UFM1: variants seen among roughly 807,000 people sequenced by gnomAD.
UFM1 encodes the protein ubiquitin fold modifier 1.
In UFM1, 9 loss-of-function variants were observed where a neutral mutation model predicts 15.4. That is an observed-to-expected ratio of 0.59 (90% CI 0.35 to 1.02). The LOEUF is 1.02. Among genes scored for constraint, UFM1 ranks in the 50% least tolerant of loss-of-function variants. The probability of loss-of-function intolerance (pLI) is 0.02; values close to 1 mark genes in which losing one functional copy is unlikely to be tolerated. For missense variants in UFM1, 98 were observed against 104.7 expected (o/e 0.94, Z 0.28); for synonymous variants, 27 against 36.3 (o/e 0.74, Z 0.92).
At chr13:38,353,141 A>G (rs73460280) in intron 2 of UFM1, among the ~76,000 whole-genome samples, 1,589 of 152,284 alleles carry the variant, frequency 0.01, 21 homozygotes, top group African/African-American at 0.035. Flanking sequence ...CAAGAAATCT[A>G]TTCACATTTC....
chr13:38,355,354 A>G (rs1680394663), intron 3 of UFM1, among the ~76,000 whole-genome samples: 1 of 152,006 alleles, frequency 6.6e-6, no homozygotes, highest in African/African-American at 2.4e-5. Flanking sequence ...AGAATAAGTA[A>G]AATGAGATGG....
chr13:38,354,170 TAAGGAACA>T, intron 2 of UFM1, 61 bp from the exon 3 acceptor site: 2 of 1,498,638 alleles, frequency 1.3e-6, no homozygotes, highest in Non-Finnish European at 1.8e-6. Flanking sequence ...GTAGTGGAAA[TAAGGAACA>T]AAGGGGCTTT....
chr13:38,357,814 A>T (rs1456730344), intron 3 of UFM1, among the ~76,000 whole-genome samples: 2 of 151,918 alleles, frequency 1.3e-5, no homozygotes, highest in African/African-American at 4.8e-5. Context: ...GGACCATGGG[A>T]AAGGTCTTAA....
intron 3 of UFM1, 37 bp downstream of exon 3, chr13:38,354,333 G>T: frequency 6.3e-7 from 1 of 1,580,690 alleles, no homozygotes. Flanking sequence ...TATGGAATGC[G>T]GTTTGCCAAT....
At chr13:38,354,968 CA>C (rs1179890118) in intron 3 of UFM1, 2 of 151,874 alleles carry the variant, frequency 1.3e-5, no homozygotes, top group African/African-American at 2.4e-5. Context: ...TTTTATTCTG[CA>C]AAATGGAAGT....
At chr13:38,358,055 G>GTA (rs1380585073) in intron 3 of UFM1, 38 bp from the exon 4 acceptor site, 5 of 802,734 alleles carry the variant, frequency 6.2e-6, no homozygotes, top group African/African-American at 4.5e-5. Context: ...GTGTGTGTGT[G>GTA]TGTATATATA....
intron 3 of UFM1, among the ~76,000 whole-genome samples, chr13:38,356,361 G>A (rs914865336): frequency 4.0e-5 from 6 of 151,762 alleles, no homozygotes; most frequent in African/African-American, 1.4e-4. Flanking sequence ...TTGAGTGTTT[G>A]ATCAAATTCT....
chr13:38,353,905 C>T (rs1593296092), intron 2 of UFM1, among the ~76,000 whole-genome samples: 1 of 152,018 alleles, frequency 6.6e-6, no homozygotes, highest in Non-Finnish European at 1.5e-5. Flanking sequence ...GAGAGCTTCA[C>T]CTTTTTGAAA....
At chr13:38,358,071 A>ATTTT in intron 3 of UFM1, 22 bp from the exon 4 acceptor site, 1 of 554,756 alleles carries the variant, frequency 1.8e-6, no homozygotes, top group Non-Finnish European at 2.6e-6. Flanking sequence ...ATATATATAT[A>ATTTT]TTTTTTTTTC....
At chr13:38,350,326 G>C (rs1878778965) in intron 2 of UFM1, 1 of 1,303,084 alleles carries the variant, frequency 7.7e-7, no homozygotes, top group South Asian at 1.3e-5. Flanking sequence ...AATTCATTTG[G>C]TGGGCAGGTG....
At chr13:38,357,895 G>A (rs1050563571) in intron 3 of UFM1, among the ~76,000 whole-genome samples, 198 bp from the exon 4 acceptor site, 11 of 151,682 alleles carry the variant, frequency 7.3e-5, no homozygotes, top group African/African-American at 2.7e-4. Flanking sequence ...CAGGAGTAGC[G>A]GAGGCAGAAG....
rs2140067123 is a variant in UFM1, at chr13:38,362,622, C to G, written c.*1844C>G. 6.6e-6 allele frequency: 1 copy of G among 151,842 alleles called. No homozygotes were observed. The highest frequency in any genetic ancestry group is 2.1e-4 in the South Asian group (1 of 4,812). 9.4% of individuals were successfully genotyped at this position (151,842 alleles called of 1,614,324 possible). ...AAGTTTTTATTTTTATAAACAAAAT[C>G]TGATGTTCAGAGGCCCCGTTTCTTA... On this transcript the variant is annotated 3_prime_UTR_variant, in exon 6 of 6. Coordinates refer to ENST00000239878, the MANE Select transcript of UFM1 (RefSeq NM_016617.4).
intron 3 of UFM1, among the ~76,000 whole-genome samples, chr13:38,357,080 A>C (rs73460282): frequency 0.011 from 1,587 of 148,868 alleles, 22 homozygotes; most frequent in African/African-American, 0.038. Flanking sequence ...TGTTGGCCAA[A>C]TGGCTTTCAC....
Position 38,350,067 on chromosome 13 carries a change from G to C in UFM1, c.59+12G>C, listed in dbSNP as rs779447610. ...CTGCCGTACAAAGTGTGAGTAGCTC[G>C]GCCGAGATGGGCCTTTTGGGGCCGG... On this transcript the variant is annotated intron_variant, in intron 2 of 5. Coordinates refer to ENST00000239878, the MANE Select transcript of UFM1 (RefSeq NM_016617.4). The C allele has an allele frequency of 9.9e-6, 16 of 1,614,088 alleles. No homozygotes were observed. The highest frequency in any genetic ancestry group is 1.3e-5 in the Non-Finnish European group (15 of 1,180,052).
At chr13:38,356,951 T>C (rs1435839598) in intron 3 of UFM1, among the ~76,000 whole-genome samples, 1 of 151,920 alleles carries the variant, frequency 6.6e-6, no homozygotes, top group African/African-American at 2.4e-5. Flanking sequence ...ACTGCTGGTC[T>C]CTTTAAGAGA....
In UFM1 at chr13:38,363,517, G is replaced by C. The variant is rs981435374; in HGVS notation, c.*2739G>C. ...GACGGAAAAAAAAAAAAAAAAAGTT[G>C]AGAAGAAAATGGGGTTATTGTAACT... On this transcript the variant is annotated 3_prime_UTR_variant, in exon 6 of 6. Coordinates refer to ENST00000239878, the MANE Select transcript of UFM1 (RefSeq NM_016617.4). 7 of 150,922 alleles carry C rather than the reference G, an allele frequency of 4.6e-5. No homozygotes were observed. Among genetic ancestry groups the C allele is most frequent in the African/African-American group, 1.7e-4 (7 of 40,994 alleles). The allele number at this position is 150,922 out of a possible 1,614,324, so 9.3% of individuals were successfully genotyped here. A position where few individuals can be genotyped will look rare whatever the true frequency, so the allele number is the denominator to read the frequency against.
At chr13:38,356,004 G>A (rs1244592375) in intron 3 of UFM1, among the ~76,000 whole-genome samples, 2 of 151,826 alleles carry the variant, frequency 1.3e-5, no homozygotes, top group African/African-American at 4.8e-5. Flanking sequence ...AATTATGGGG[G>A]ATCGGAGGAG....
chr13:38,359,444 GT>G (rs1329925568), intron 5 of UFM1, 111 bp downstream of exon 5: 3 of 1,187,462 alleles, frequency 2.5e-6, no homozygotes, highest in Admixed American at 1.8e-5. Flanking sequence ...TAATGGAGCT[GT>G]TTTTTAGGGA....
intron 5 of UFM1, among the ~76,000 whole-genome samples, chr13:38,360,281 T>C (rs895679391): frequency 3.3e-5 from 5 of 152,050 alleles, no homozygotes; most frequent in African/African-American, 1.2e-4. Flanking sequence ...CTGCTTGTTT[T>C]ATTATCTTTA....
Sources: allele counts gnomAD v4.1 joint callset (sites outside exome capture counted in the v4.1 genomes callset), GRCh38; gene constraint gnomAD v4.1.1; transcripts MANE v1.5; gene names NCBI Gene and HGNC (gene_info 2026-07-23, HGNC 2026-07-21).